The following LGSN variants were observed in gnomAD, a reference collection of about 807,000 sequenced individuals.
LGSN encodes the protein lengsin, lens protein with glutamine synthetase domain.
A neutral mutation model predicts 19.5 loss-of-function variants in LGSN; 21 were observed. The ratio of observed to expected loss-of-function variants is 1.07; its 90% CI spans 0.76 to 1.55. The LOEUF (loss-of-function observed/expected upper bound fraction) is 1.55. Ranked by LOEUF, LGSN falls within the 40% of genes most tolerant of loss-of-function variation. The pLI, the probability that LGSN is intolerant of heterozygous loss-of-function variation, is 0.00. For synonymous variants in LGSN, 257 were observed against 215.6 expected, an observed-to-expected ratio of 1.19 and a Z score of -1.68; for missense variants, 673 against 608.5, an observed-to-expected ratio of 1.11 and a Z score of -1.12.
chr6:63,306,255 T>C (rs1768380221), intron 1 of LGSN, among the ~76,000 whole-genome samples: 1 of 152,204 alleles, frequency 6.6e-6, no homozygotes, highest in African/African-American at 2.4e-5. Flanking sequence ...TTCAAGGTCA[T>C]ATCTGAGGAA....
chr6:63,502,970 A>G, the LGSN span, among the ~76,000 whole-genome samples: 1 of 152,232 alleles, frequency 6.6e-6, no homozygotes, highest in East Asian at 1.9e-4. Context: ...AATCGATGTC[A>G]GATATTTTTT....
At chr6:63,451,900 A>G in the LGSN span, among the ~76,000 whole-genome samples, 98 of 152,306 alleles carry the variant, frequency 6.4e-4, no homozygotes, top group African/African-American at 2.1e-3. Flanking sequence ...AAATTCCTAG[A>G]ATAAACTCAC....
At chr6:63,568,907 G>A in the LGSN span, among the ~76,000 whole-genome samples, 1 of 151,948 alleles carries the variant, frequency 6.6e-6, no homozygotes, top group African/African-American at 2.4e-5. Context: ...CTAGATTATG[G>A]CCCATTGGGG....
At chr6:63,553,918 G>A in the LGSN span, among the ~76,000 whole-genome samples, 10 of 152,064 alleles carry the variant, frequency 6.6e-5, no homozygotes, top group Admixed American at 2.0e-4. Context: ...CAGAAAATAC[G>A]AAAGAAAAAT....
the LGSN span, among the ~76,000 whole-genome samples, chr6:63,466,705 A>C: frequency 6.6e-6 from 1 of 152,146 alleles, no homozygotes; most frequent in African/African-American, 2.4e-5. Context: ...AAAGTTTTGG[A>C]CCCAAGCAAC....
At chr6:63,534,123 A>G in the LGSN span, among the ~76,000 whole-genome samples, 9 of 152,180 alleles carry the variant, frequency 5.9e-5, no homozygotes, top group Non-Finnish European at 1.0e-4. Flanking sequence ...GATTACAGGC[A>G]TGAGCCACAG....
chr6:63,427,402 ATACC>A, the LGSN span, among the ~76,000 whole-genome samples: 2 of 152,082 alleles, frequency 1.3e-5, no homozygotes, highest in African/African-American at 4.8e-5. Flanking sequence ...GGTCATTGCT[ATACC>A]TCAAACTCGT....
At chr6:63,524,260 C>T in the LGSN span, among the ~76,000 whole-genome samples, 2 of 152,166 alleles carry the variant, frequency 1.3e-5, no homozygotes, top group Non-Finnish European at 2.9e-5. Flanking sequence ...GCTGGGATTA[C>T]AGACGTGAGC....
the LGSN span, among the ~76,000 whole-genome samples, chr6:63,495,836 T>A: frequency 6.6e-6 from 1 of 152,110 alleles, no homozygotes; most frequent in South Asian, 2.1e-4. Flanking sequence ...AAAAAATGCA[T>A]ACTAATTCTT....
chr6:63,513,739 C>T, the LGSN span, among the ~76,000 whole-genome samples: 20 of 151,568 alleles, frequency 1.3e-4, no homozygotes, highest in African/African-American at 1.7e-4. Context: ...GGTGAAACCC[C>T]GTCTCTACTA....
the LGSN span, among the ~76,000 whole-genome samples, chr6:63,338,258 A>G: frequency 2.0e-5 from 3 of 152,200 alleles, no homozygotes; most frequent in African/African-American, 7.2e-5. Flanking sequence ...TAAATAAATA[A>G]GAAGCCATTA....
At chr6:63,379,773 T>A in the LGSN span, among the ~76,000 whole-genome samples, 1 of 152,206 alleles carries the variant, frequency 6.6e-6, no homozygotes, top group South Asian at 2.1e-4. Context: ...TTTTGTTTTT[T>A]TACAAAAATT....
chr6:63,477,013 C>A, the LGSN span, among the ~76,000 whole-genome samples: 1 of 152,168 alleles, frequency 6.6e-6, no homozygotes, highest in Non-Finnish European at 1.5e-5. Context: ...AGTAGTCAAG[C>A]CTAGACAGAT....
At chr6:63,320,421 A>C (rs984569714), upstream of LGSN, among the ~76,000 whole-genome samples, 2 of 152,196 alleles carry the variant, frequency 1.3e-5, no homozygotes, top group Admixed American at 6.5e-5. Context: ...ACTCATTTGT[A>C]ATTCTCATTT....
chr6:63,440,800 G>A, the LGSN span: 13 of 165,908 alleles, frequency 7.8e-5, no homozygotes, highest in South Asian at 1.6e-4. Context: ...GGAAACCTCC[G>A]CCACCAGCTG....
chr6:63,355,770 C>T, the LGSN span, among the ~76,000 whole-genome samples: 1 of 152,150 alleles, frequency 6.6e-6, no homozygotes, highest in Non-Finnish European at 1.5e-5. Context: ...CCTCTGCCTC[C>T]CAGGTACAAG....
At chr6:63,346,954 G>A in the LGSN span, among the ~76,000 whole-genome samples, 2 of 152,094 alleles carry the variant, frequency 1.3e-5, no homozygotes, top group African/African-American at 2.4e-5. Flanking sequence ...ATCTCCTGGC[G>A]AAGTATGAAA....
the LGSN span, among the ~76,000 whole-genome samples, chr6:63,448,581 T>TTA: frequency 6.6e-6 from 1 of 151,988 alleles, no homozygotes; most frequent in Non-Finnish European, 1.5e-5. Flanking sequence ...CCCCTAAGTA[T>TTA]TATACACCCT....
the LGSN span, among the ~76,000 whole-genome samples, chr6:63,505,817 G>A: frequency 6.6e-6 from 1 of 151,964 alleles, no homozygotes; most frequent in Non-Finnish European, 1.5e-5. Context: ...GCACCACCAC[G>A]CCCGGCTAAT....
Sources: allele counts gnomAD v4.1 joint callset (sites outside exome capture counted in the v4.1 genomes callset), GRCh38; gene constraint gnomAD v4.1.1; transcripts MANE v1.5; gene names NCBI Gene and HGNC (gene_info 2026-07-23, HGNC 2026-07-21).